Variants in TAFA1 observed in about 807,000 individuals in gnomAD.
TAFA1 encodes the protein chemokine-like protein TAFA-1.
TAFA1 carries 4 observed loss-of-function variants against 18.5 expected under a neutral mutation model. That is an observed-to-expected ratio of 0.22 (90% CI 0.11 to 0.49). The LOEUF is 0.49. Among genes scored for constraint, TAFA1 ranks in the 20% least tolerant of loss-of-function variants. The pLI is 0.98. For missense variants in TAFA1, 147 were observed against 169.0 expected (o/e 0.87, Z 0.72); for synonymous variants, 56 against 55.2 (o/e 1.01, Z -0.06).
chr3:68,347,042 A>G (rs2069174875), intron 2 of TAFA1, among the ~76,000 whole-genome samples: 1 of 151,806 alleles, frequency 6.6e-6, no homozygotes, highest in Non-Finnish European at 1.5e-5. Context: ...GTGATCCCAC[A>G]TGTAGGATCT....
intron 3 of TAFA1, chr3:68,417,741 G>A (rs1575849046): frequency 5.0e-6 from 1 of 200,510 alleles, no homozygotes; most frequent in East Asian, 1.2e-4. Context: ...CCTGAGACTG[G>A]GTAATTTATA....
chr3:68,406,138 A>G (rs2070602400), intron 2 of TAFA1, among the ~76,000 whole-genome samples: 1 of 152,192 alleles, frequency 6.6e-6, no homozygotes. Context: ...ATTCAAAATT[A>G]TATTAGATAT....
At position 68,440,550 on chromosome 3, in the gene TAFA1, T is replaced by C. The variant is rs192022098; in HGVS notation, c.259+23130T>C. 3.7e-3 allele frequency among the ~76,000 whole-genome samples: 563 copies of C among 152,324 alleles called. 1 individual carries two copies. Among genetic ancestry groups the C allele is most frequent in the Middle Eastern group, 0.017 (5 of 294 alleles). ...ACTGGTCACGTGGTCATAGCTGGTA[T>C]TAATGACTAGTTTCTTCTACTACCC... On this transcript the variant is annotated intron_variant, in intron 3 of 4. Coordinates refer to ENST00000478136, the MANE Select transcript of TAFA1 (RefSeq NM_213609.4).
At chr3:68,414,444 CA>C (rs2070773855) in intron 2 of TAFA1, among the ~76,000 whole-genome samples, 1 of 152,162 alleles carries the variant, frequency 6.6e-6, no homozygotes, top group South Asian at 2.1e-4. Context: ...CCATAAGGCA[CA>C]ACCACTTGTG....
intron 2 of TAFA1, among the ~76,000 whole-genome samples, chr3:68,107,178 T>C (rs956646197): frequency 6.6e-6 from 1 of 152,092 alleles, no homozygotes; most frequent in Non-Finnish European, 1.5e-5. Context: ...AGTAGGAGTA[T>C]TTACACTGCA....
chr3:68,066,661 A>G (rs1297117305), intron 2 of TAFA1, among the ~76,000 whole-genome samples: 2 of 152,198 alleles, frequency 1.3e-5, no homozygotes, highest in African/African-American at 4.8e-5. Flanking sequence ...CAAATATTTC[A>G]TGAGAGGAGC....
chr3:67,992,888 T>C, the TAFA1 span, among the ~76,000 whole-genome samples: 2 of 152,190 alleles, frequency 1.3e-5, no homozygotes, highest in Non-Finnish European at 2.9e-5. Flanking sequence ...CCTCCTCCCC[T>C]GTGTTCTTCC....
intron 2 of TAFA1, among the ~76,000 whole-genome samples, chr3:68,369,565 G>T (rs962954830): frequency 1.3e-5 from 2 of 152,160 alleles, no homozygotes. Flanking sequence ...GCCAATAGTA[G>T]TCACAGTTCA....
chr3:68,350,955 C>T (rs1280233730), intron 2 of TAFA1, among the ~76,000 whole-genome samples: 1 of 152,080 alleles, frequency 6.6e-6, no homozygotes, highest in Non-Finnish European at 1.5e-5. Flanking sequence ...ATGGTACTGT[C>T]TTACTTGATT....
chr3:68,149,402 GA>G (rs1401267441), intron 2 of TAFA1, among the ~76,000 whole-genome samples: 3 of 152,054 alleles, frequency 2.0e-5, no homozygotes, highest in South Asian at 2.1e-4. Context: ...AATTTATAAA[GA>G]AAAAAAGCTT....
At chr3:68,074,714 T>G (rs1300179882) in intron 2 of TAFA1, among the ~76,000 whole-genome samples, 2 of 152,198 alleles carry the variant, frequency 1.3e-5, no homozygotes, top group African/African-American at 2.4e-5. Flanking sequence ...ATGGCAGAGC[T>G]GAAATTCATA....
intron 2 of TAFA1, among the ~76,000 whole-genome samples, chr3:68,405,412 C>A (rs1295664195): frequency 6.6e-6 from 1 of 151,842 alleles, no homozygotes; most frequent in Non-Finnish European, 1.5e-5. Context: ...CTTTGGGAGG[C>A]TGAGGTGGGA....
intron 2 of TAFA1, among the ~76,000 whole-genome samples, chr3:68,214,959 G>C (rs1303742985): frequency 6.6e-6 from 1 of 151,930 alleles, no homozygotes; most frequent in Non-Finnish European, 1.5e-5. Context: ...CTTTTGCTTA[G>C]AGGTTGTATA....
intron 3 of TAFA1, among the ~76,000 whole-genome samples, chr3:68,458,142 G>C (rs887472711): frequency 1.3e-5 from 2 of 152,040 alleles, no homozygotes; most frequent in African/African-American, 4.8e-5. Context: ...TCTCACGATG[G>C]TAAGAGAGTT....
chr3:68,457,377 G>A (rs1447627693), intron 3 of TAFA1, among the ~76,000 whole-genome samples: 2 of 152,072 alleles, frequency 1.3e-5, no homozygotes, highest in African/African-American at 4.8e-5. Context: ...TATATGTTAT[G>A]CATTCATGAC....
At chr3:68,081,696 A>C (rs2064902748) in intron 2 of TAFA1, among the ~76,000 whole-genome samples, 2 of 152,144 alleles carry the variant, frequency 1.3e-5, no homozygotes, top group Middle Eastern at 3.2e-3. Context: ...GCGTGCTGGG[A>C]GAACCACTGC....
intron 2 of TAFA1, among the ~76,000 whole-genome samples, chr3:68,375,161 G>C (rs72626996): frequency 0.025 from 3,759 of 152,028 alleles, 64 homozygotes; most frequent in East Asian, 0.092. Flanking sequence ...AACATAAATA[G>C]CCTTCTAGCC....
intron 2 of TAFA1, among the ~76,000 whole-genome samples, chr3:68,345,603 G>A (rs1194115921): frequency 1.3e-5 from 2 of 152,066 alleles, no homozygotes; most frequent in African/African-American, 4.8e-5. Flanking sequence ...AGGAGACCCA[G>A]GAGATCATGT....
At chr3:68,079,093 C>T (rs6548971) in intron 2 of TAFA1, among the ~76,000 whole-genome samples, 146,976 of 152,344 alleles carry the variant, frequency 0.96, 70,924 homozygotes, top group African/African-American at 0.98. Context: ...TCTAGTTTAT[C>T]TGCATAGAGG....
Sources: allele counts gnomAD v4.1 joint callset (sites outside exome capture counted in the v4.1 genomes callset), GRCh38; gene constraint gnomAD v4.1.1; transcripts MANE v1.5; gene names NCBI Gene and HGNC (gene_info 2026-07-23, HGNC 2026-07-21).